The following MYH15 variants were observed in gnomAD, a reference collection of about 807,000 sequenced individuals.
MYH15 encodes myosin heavy chain 15, also known as myosin-15.
Under a neutral mutation model 240.5 loss-of-function variants are expected in MYH15, and 227 were observed. That is an observed-to-expected ratio of 0.94 (90% CI 0.85 to 1.05). MYH15 has a LOEUF of 1.05. Ranked by LOEUF, MYH15 falls within the 50% of genes least tolerant of loss-of-function variation. MYH15 has a pLI of 0.00. For synonymous variants in MYH15, 785 were observed against 796.7 expected, an observed-to-expected ratio of 0.99 and a Z score of 0.25; for missense variants, 2,217 against 2,247.5, an observed-to-expected ratio of 0.99 and a Z score of 0.27.
intron 9 of MYH15, among the ~76,000 whole-genome samples, chr3:108,487,826 T>C (rs1261048572): frequency 6.6e-6 from 1 of 152,208 alleles, no homozygotes; most frequent in East Asian, 1.9e-4. Flanking sequence ...AATAAATTTG[T>C]TTTATAAAAC....
At chr3:108,467,283 AG>A (rs1166546418) in intron 14 of MYH15, among the ~76,000 whole-genome samples, 1 of 151,628 alleles carries the variant, frequency 6.6e-6, no homozygotes, top group Non-Finnish European at 1.5e-5. Flanking sequence ...TGTGCATACA[AG>A]ATACAACTAG....
At chr3:108,444,153 T>C (rs1236158349) in intron 22 of MYH15, among the ~76,000 whole-genome samples, 2 of 151,354 alleles carry the variant, frequency 1.3e-5, no homozygotes, top group African/African-American at 4.9e-5. Context: ...ATAATAATAA[T>C]AAAATTAATT....
chr3:108,463,106 C>A lies in MYH15; in HGVS notation c.1864+5G>T. 2 of 1,596,890 alleles carry A rather than the reference C, an allele frequency of 1.3e-6. No individual in the cohort carries two copies. Among genetic ancestry groups the A allele is most frequent in the Non-Finnish European group, 1.7e-6 (2 of 1,175,228 alleles). On this transcript the variant is annotated splice_donor_5th_base_variant and intron_variant, in intron 16 of 40. Coordinates refer to ENST00000693548, the MANE Select transcript of MYH15 (RefSeq NM_014981.3). ...TGAAAAATCAAGGAAGATTGTATGA[C>A]TCACCACTGTCAGTACTCATGTAAT...
chr3:108,427,559 A>C (rs2107559235), intron 27 of MYH15, among the ~76,000 whole-genome samples: 1 of 151,988 alleles, frequency 6.6e-6, no homozygotes, highest in Middle Eastern at 3.4e-3. Flanking sequence ...TAAATTACCC[A>C]GTCTGTGGTA....
chr3:108,437,671 T>C lies in MYH15; in HGVS notation c.3104A>G (p.Lys1035Arg), dbSNP rs1560364383. 4 of 1,613,764 alleles carry C rather than the reference T, an allele frequency of 2.5e-6. No homozygotes were observed. Among genetic ancestry groups the C allele is most frequent in the African/African-American group, 1.3e-5 (1 of 75,022 alleles). ...ELEGALEQER[K>R]ARMNCERELH... ...TTCCCTTTCACAGTTCATTCTCGCT[T>C]TTCTCTCCTGCTCAAGGGCACCCTC... The change falls in exon 25 of 41, where the codon AAA becomes AGA. Residue 1035 changes from lysine to arginine, a missense_variant. By Grantham distance (26) the Lys-to-Arg change is conservative. Transcript: ENST00000693548.
Position 108,495,867 on chromosome 3 carries a change from C to T in MYH15, c.624G>A (p.Ala208=), listed in dbSNP as rs762845187. The change falls in exon 7 of 41, where the codon GCG becomes GCA. Residue 208 remains alanine, a synonymous_variant. Transcript: ENST00000693548. ...AMIESRKKQG[A]LEDQIMQANT... is the part of the protein sequence containing the mutation. Reference sequence around the variant, plus strand: ...TCGCTTGCATGATTTGATCTTCTAACGCCCCCTGAGACACATGCAAGAGAA... The same window carrying T: ...TCGCTTGCATGATTTGATCTTCTAATGCCCCCTGAGACACATGCAAGAGAA... 51 of 1,606,760 alleles carry T rather than the reference C, an allele frequency of 3.2e-5. No individual in the cohort carries two copies. The highest frequency in any genetic ancestry group is 2.8e-4 in the African/African-American group (21 of 74,746).
chr3:108,398,267 C>A (rs1048580655), intron 35 of MYH15, among the ~76,000 whole-genome samples: 2 of 152,096 alleles, frequency 1.3e-5, no homozygotes, highest in Non-Finnish European at 2.9e-5. Flanking sequence ...AGTGATGCAT[C>A]CATAAGCCAA....
At chr3:108,430,946 A>C (rs199829370) in intron 25 of MYH15, 24 bp from the exon 26 acceptor site, 5 of 1,453,486 alleles carry the variant, frequency 3.4e-6, no homozygotes, top group Non-Finnish European at 4.8e-6. Flanking sequence ...GATATCAAAT[A>C]CAATTGTTCA....
In MYH15 at chr3:108,464,553, C is replaced by G. The variant is rs150669473; in HGVS notation, c.1731+85G>C. ...TTCTCTTCATTTAATCTAAACATTA[C>G]TTAAATATCATCTAAGGACTTTGGC... On this transcript the variant is annotated intron_variant, in intron 15 of 40. Coordinates refer to ENST00000693548, the MANE Select transcript of MYH15 (RefSeq NM_014981.3). The G allele has an allele frequency of 3.8e-5, 50 of 1,299,058 alleles. 1 individual carries two copies. The African/African-American group carries it at 6.9e-4, about 18-fold the overall frequency. 80.5% of individuals were successfully genotyped at this position (1,299,058 alleles called of 1,614,324 possible). A position where few individuals can be genotyped will look rare whatever the true frequency, so the allele number is the denominator to read the frequency against.
intron 9 of MYH15, among the ~76,000 whole-genome samples, chr3:108,489,338 A>C (rs1450689210): frequency 6.6e-6 from 1 of 152,202 alleles, no homozygotes; most frequent in Non-Finnish European, 1.5e-5. Context: ...GAATTTATAC[A>C]CTAGTTGAAT....
At chr3:108,506,608 G>A (rs2083478024) in intron 1 of MYH15, among the ~76,000 whole-genome samples, 1 of 152,124 alleles carries the variant, frequency 6.6e-6, no homozygotes, top group Non-Finnish European at 1.5e-5. Context: ...TAAGGGCCTG[G>A]GTGCAGTGGC....
Position 108,496,368 on chromosome 3 carries a change from T to C in MYH15, c.619-496A>G, listed in dbSNP as rs541560279. ...GGTTCACATGAGTAGTGACTTTTAA[T>C]AGTATTGATCTTGAATTTGAATCAC... On this transcript the variant is annotated intron_variant, in intron 6 of 40. Transcript: ENST00000693548. 4.6e-5 allele frequency among the ~76,000 whole-genome samples: 7 copies of C among 152,326 alleles called. 1 individual carries two copies. The highest frequency in any genetic ancestry group is 1.4e-4 in the African/African-American group (6 of 41,580).
intron 1 of MYH15, among the ~76,000 whole-genome samples, chr3:108,507,681 T>C (rs890423876): frequency 6.6e-6 from 1 of 152,202 alleles, no homozygotes. Context: ...GTTTCCCTGA[T>C]TACAAACAAT....
At chr3:108,523,896 C>T (rs1358348385) in intron 1 of MYH15, among the ~76,000 whole-genome samples, 1 of 151,760 alleles carries the variant, frequency 6.6e-6, no homozygotes, top group African/African-American at 2.4e-5. Context: ...AACTCAAATG[C>T]ATTATTTTAA....
chr3:108,512,041 T>C (rs1304004087), upstream of MYH15, among the ~76,000 whole-genome samples: 1 of 152,142 alleles, frequency 6.6e-6, no homozygotes, highest in Non-Finnish European at 1.5e-5. Flanking sequence ...CTAGTCTTAA[T>C]GTATAGGAAC....
intron 27 of MYH15, among the ~76,000 whole-genome samples, chr3:108,424,995 A>G (rs774850015): frequency 1.1e-4 from 17 of 152,228 alleles, no homozygotes; most frequent in Non-Finnish European, 2.1e-4. Context: ...AAAGCACTGT[A>G]GTAAACATGA....
chr3:108,441,048 T>A lies in MYH15; in HGVS notation c.2868A>T (p.Ser956=). 1 of 1,614,208 alleles carries A rather than the reference T, an allele frequency of 6.2e-7. No homozygotes were observed. The highest frequency in any genetic ancestry group is 8.5e-7 in the Non-Finnish European group (1 of 1,180,002). The change falls in exon 23 of 41, where the codon TCA becomes TCT. Residue 956 remains serine, a synonymous_variant. Transcript: ENST00000693548. ...GCTCTGTAGTACGCTTCTCCTTCTC[T>A]GACTTCACCAACATTGTTTCCAGGT... ...IDDLETMLVK[S]EKEKRTTEHK... is the part of the protein sequence containing the mutation.
Position 108,460,285 on chromosome 3 carries a change from G to T in MYH15, c.1932+15C>A, listed in dbSNP as rs772437086. ...TGAGGCAATTAATATATGAATAGAC[G>T]CAATTAAAAATTACTTTATGCAGAG... On this transcript the variant is annotated intron_variant, in intron 17 of 40. Transcript: ENST00000693548. The T allele has an allele frequency of 3.9e-6, 6 of 1,557,246 alleles. No homozygotes were observed. The highest frequency in any genetic ancestry group is 5.2e-6 in the Non-Finnish European group (6 of 1,152,028).
In MYH15 at chr3:108,485,181, A is replaced by G. The variant is rs1476399406; in HGVS notation, c.1024T>C (p.Tyr342His). The change falls in exon 11 of 41, where the codon TAT (tyrosine) becomes CAT (histidine). Residue 342 changes from tyrosine to histidine, a missense_variant. Physicochemically the swap from Tyr to His is moderately conservative, Grantham distance 83 (BLOSUM62 2). Coordinates refer to ENST00000693548, the MANE Select transcript of MYH15 (RefSeq NM_014981.3). ...TGCATGATGGCTCCAGTGAGTTTAT[A>G]GCATCCATACTTCTCATCAGGAAGA... ...GFLPDEKYGCYKLTGAIMHFG... is the reference protein window; with the variant it reads ...GFLPDEKYGCHKLTGAIMHFG... The G allele has an allele frequency of 6.2e-7, 1 of 1,614,122 alleles. No individual in the cohort carries two copies. Among genetic ancestry groups the G allele is most frequent in the Non-Finnish European group, 8.5e-7 (1 of 1,179,976 alleles).
Sources: gnomAD v4.1 joint callset for allele counts (sites outside exome capture counted in the v4.1 genomes callset) on GRCh38, gnomAD v4.1.1 for gene constraint, MANE v1.5 for transcripts, NCBI Gene and HGNC (gene_info 2026-07-23, HGNC 2026-07-21) for gene names.